TP73: variants seen among roughly 807,000 people sequenced by gnomAD.
TP73 encodes p53-like transcription factor.
TP73 carries 25 observed loss-of-function variants against 62.5 expected under a neutral mutation model. The ratio of observed to expected loss-of-function variants is 0.40; its 90% confidence interval spans 0.29 to 0.56. The LOEUF is 0.56. Among genes scored for constraint, TP73 ranks in the 20% least tolerant of loss-of-function variants. TP73 has a pLI of 0.46. For missense variants in TP73, 754 were observed against 913.3 expected (o/e 0.83, Z 2.25); for synonymous variants, 423 against 377.5 (o/e 1.12, Z -1.40).
At chr1:3,667,410 A>G (rs1365236903) in intron 1 of TP73, among the ~76,000 whole-genome samples, 1 of 152,238 alleles carries the variant, frequency 6.6e-6, no homozygotes, top group Non-Finnish European at 1.5e-5. Flanking sequence ...GAAAACAGAC[A>G]GTGCGCACAT....
intron 3 of TP73, among the ~76,000 whole-genome samples, chr1:3,688,645 C>T (rs932613909): frequency 6.6e-6 from 1 of 152,238 alleles, no homozygotes; most frequent in South Asian, 2.1e-4. Flanking sequence ...CTGTCCCTGT[C>T]CTCTGCAAGG....
Position 3,733,091 on chromosome 1 carries a change from G to A in TP73, c.*12G>A, listed in dbSNP as rs1395567336. 1.3e-6 allele frequency: 2 copies of A among 1,521,664 alleles called. No individual in the cohort carries two copies. The highest frequency in any genetic ancestry group is 4.0e-5 in the Admixed American group (2 of 50,420). 94.3% of individuals were successfully genotyped at this position (1,521,664 alleles called of 1,614,324 possible). A position where few individuals can be genotyped will look rare whatever the true frequency, so the allele number is the denominator to read the frequency against. On this transcript the variant is annotated 3_prime_UTR_variant, in exon 14 of 14. Coordinates refer to ENST00000378295, the MANE Select transcript of TP73 (RefSeq NM_005427.4). ...CCGAGATCCACTGAGGGCCTCGCCT[G>A]GCTGCAGCCTGCGCCACCGCCCAGA...
intron 4 of TP73, chr1:3,714,182 A>T (rs1640398967): frequency 6.6e-6 from 1 of 152,178 alleles, no homozygotes. Context: ...CTAGCCAACT[A>T]TTACCTTAAA....
chr1:3,732,022 G>A (rs1336651508), intron 13 of TP73, among the ~76,000 whole-genome samples: 1 of 152,250 alleles, frequency 6.6e-6, no homozygotes, highest in Non-Finnish European at 1.5e-5. Flanking sequence ...CAGGCACCAT[G>A]ATTAAACAGC....
intron 3 of TP73, among the ~76,000 whole-genome samples, chr1:3,691,851 TAG>T (rs547565029): frequency 3.0e-4 from 45 of 152,290 alleles, no homozygotes; most frequent in African/African-American, 1.1e-3. Flanking sequence ...CACTGGGATG[TAG>T]AGGCCCAAAG....
intron 4 of TP73, among the ~76,000 whole-genome samples, chr1:3,718,735 CCT>C (rs1230102118): frequency 2.0e-5 from 3 of 152,322 alleles, no homozygotes; most frequent in East Asian, 1.9e-4. Flanking sequence ...CTCCCCTCCC[CCT>C]GAGTGTCTGG....
Position 3,670,063 on chromosome 1 carries a change from C to G in TP73, c.-33-12270C>G, listed in dbSNP as rs1393856969. ...CTGTTCCCTTGGCTCTTTGCAAAGT[C>G]TCCAGCCTGGCCTCCTGGATGGGCA... On this transcript the variant is annotated intron_variant, in intron 1 of 13. Coordinates refer to ENST00000378295, the MANE Select transcript of TP73 (RefSeq NM_005427.4). The surrounding 1 kb of genome is among the most constrained non-coding windows in gnomAD (Gnocchi z 5.9). Among the ~76,000 whole-genome samples, 2 of 151,972 alleles carry G rather than the reference C, an allele frequency of 1.3e-5. No homozygotes were observed. Among genetic ancestry groups the G allele is most frequent in the African/African-American group, 4.8e-5 (2 of 41,362 alleles).
At chr1:3,659,365 G>T (rs10910003) in intron 1 of TP73, 5 of 152,050 alleles carry the variant, frequency 3.3e-5, no homozygotes, top group Non-Finnish European at 7.4e-5. Context: ...TGGTAATCTC[G>T]CTGATGAGTA....
intron 10 of TP73, 54 bp downstream of exon 10, chr1:3,729,502 C>T (rs748863965): frequency 1.2e-6 from 2 of 1,609,318 alleles, no homozygotes; most frequent in East Asian, 2.2e-5. Flanking sequence ...TGGCTTAACC[C>T]CCCAGGAGAA....
chr1:3,705,891 C>T (rs1379006611), intron 3 of TP73, among the ~76,000 whole-genome samples: 1 of 152,202 alleles, frequency 6.6e-6, no homozygotes, highest in Non-Finnish European at 1.5e-5. Flanking sequence ...CCTGCAGAGC[C>T]GAGGGCCTCT....
chr1:3,669,040 G>A (rs151078147), intron 1 of TP73, among the ~76,000 whole-genome samples: 3,919 of 152,316 alleles, frequency 0.026, 64 homozygotes, highest in Middle Eastern at 0.044. Context: ...GCCTAGTTTC[G>A]CAACTCCAAT....
At position 3,727,195 on chromosome 1, in the gene TP73, C is replaced by T; in HGVS notation, c.813C>T (p.Ile271=). ...SCVGGMNRRP[I]LIIITLEMRD... is the part of the protein sequence containing the mutation. ...TAGGGGGCATGAACCGGCGGCCCAT[C>T]CTCATCATCATCACCCTGGAGATGC... Residue 271 remains isoleucine, a synonymous_variant, in exon 7 of 14, where the codon ATC becomes ATT. Coordinates refer to ENST00000378295, the MANE Select transcript of TP73 (RefSeq NM_005427.4). 6.2e-7 allele frequency: 1 copy of T among 1,612,218 alleles called. No homozygotes were observed. Among genetic ancestry groups the T allele is most frequent in the Non-Finnish European group, 8.5e-7 (1 of 1,179,590 alleles).
chr1:3,663,707 A>AAAAG lies in TP73; in HGVS notation c.-34+11079_-34+11082dup, dbSNP rs1553130326. The stretch of plus-strand genomic sequence containing the variant: ...CGAGACTCCATCTCAAAAAAAAAAA[A>AAAAG]AAAGAAAGAAAGAAAGGATACAGAC... On this transcript the variant is annotated intron_variant, in intron 1 of 13. Coordinates refer to ENST00000378295, the MANE Select transcript of TP73 (RefSeq NM_005427.4). The surrounding 1 kb of genome is among the most constrained non-coding windows in gnomAD (Gnocchi z 4.7). Among the ~76,000 whole-genome samples, 1,004 of 148,730 alleles carry AAAAG rather than the reference A, an allele frequency of 6.8e-3. 18 individuals are homozygous for AAAAG. Among genetic ancestry groups the AAAAG allele is most frequent in the Middle Eastern group, 0.038 (11 of 288 alleles).
intron 6 of TP73, among the ~76,000 whole-genome samples, chr1:3,726,344 G>A (rs1439491695): frequency 8.2e-6 from 1 of 122,208 alleles, no homozygotes; most frequent in African/African-American, 2.9e-5. Flanking sequence ...TGGATGGGTT[G>A]ATATTGAATG....
chr1:3,658,166 A>G (rs901580168), intron 1 of TP73, among the ~76,000 whole-genome samples: 1 of 152,194 alleles, frequency 6.6e-6, no homozygotes, highest in African/African-American at 2.4e-5. Context: ...TGGAGCAGGG[A>G]CCGTGGAGGG....
At chr1:3,671,179 C>A (rs1196539463) in intron 1 of TP73, among the ~76,000 whole-genome samples, 3 of 152,188 alleles carry the variant, frequency 2.0e-5, no homozygotes, top group African/African-American at 7.2e-5. Context: ...AGGGCTCCAG[C>A]TGGAACTGCC....
chr1:3,727,429 C>G, intron 7 of TP73, 199 bp from the exon 8 acceptor site: 1 of 957,122 alleles, frequency 1.0e-6, no homozygotes. Context: ...TGGGAGTCCC[C>G]GGCGAGGTCT....
At chr1:3,664,985 A>G (rs889009460) in intron 1 of TP73, among the ~76,000 whole-genome samples, 2 of 152,158 alleles carry the variant, frequency 1.3e-5, no homozygotes, top group African/African-American at 4.8e-5. Flanking sequence ...TCAGCCCCCA[A>G]ATTACAGAGG....
At chr1:3,692,350 T>C (rs1645866513) in intron 3 of TP73, among the ~76,000 whole-genome samples, 1 of 152,144 alleles carries the variant, frequency 6.6e-6, no homozygotes, top group African/African-American at 2.4e-5. Flanking sequence ...GCTGGGTCCA[T>C]GCACTCGAGT....
Sources: allele counts gnomAD v4.1 joint callset (sites outside exome capture counted in the v4.1 genomes callset), GRCh38; gene constraint gnomAD v4.1.1; non-coding constraint Gnocchi (gnomAD v3.1); transcripts MANE v1.5; gene names NCBI Gene and HGNC (gene_info 2026-07-23, HGNC 2026-07-21).